The following PRIM2 variants were observed in gnomAD, a reference collection of about 807,000 sequenced individuals.
PRIM2 encodes the protein DNA primase large subunit.
In PRIM2, 39 loss-of-function variants were observed where a neutral mutation model predicts 67.3. The observed-to-expected ratio is 0.58, with a 90% CI of 0.45 to 0.76. PRIM2 has a LOEUF of 0.76. PRIM2 is among the 30% of genes least tolerant of loss of function. The pLI is 0.00. For synonymous variants in PRIM2, 143 were observed against 198.7 expected, an observed-to-expected ratio of 0.72 and a Z score of 2.36; for missense variants, 398 against 598.7, an observed-to-expected ratio of 0.66 and a Z score of 3.50.
At chr6:57,597,321 AG>A (rs1158265750) in intron 10 of PRIM2, among the ~76,000 whole-genome samples, 114 of 151,280 alleles carry the variant, frequency 7.5e-4, no homozygotes, top group Non-Finnish European at 1.1e-3. Flanking sequence ...AGTTGGAAGA[AG>A]GGGGACATTT....
At chr6:57,463,046 T>A (rs530124936) in intron 7 of PRIM2, among the ~76,000 whole-genome samples, 1 of 152,156 alleles carries the variant, frequency 6.6e-6, no homozygotes, top group South Asian at 2.1e-4. Flanking sequence ...TGTTTCAGGG[T>A]GTTAAGACAG....
intron 7 of PRIM2, among the ~76,000 whole-genome samples, chr6:57,422,194 G>A (rs1314614973): frequency 2.5e-5 from 3 of 121,584 alleles, no homozygotes; most frequent in African/African-American, 9.4e-5. Context: ...TCTCTCAGTC[G>A]CCCAGGCTGG....
chr6:57,545,696 A>G (rs1762314978), intron 10 of PRIM2, among the ~76,000 whole-genome samples: 1 of 152,104 alleles, frequency 6.6e-6, no homozygotes, highest in African/African-American at 2.4e-5. Flanking sequence ...GGCCTCCTAA[A>G]ATGCTGGGAT....
At chr6:57,578,030 C>G (rs1437972705) in intron 10 of PRIM2, among the ~76,000 whole-genome samples, 1 of 152,070 alleles carries the variant, frequency 6.6e-6, no homozygotes, top group Admixed American at 6.6e-5. Flanking sequence ...CTCAGTCTTT[C>G]CTTGTCTTTT....
chr6:57,458,330 G>T (rs1214986689), intron 7 of PRIM2, among the ~76,000 whole-genome samples: 1 of 152,118 alleles, frequency 6.6e-6, no homozygotes, highest in African/African-American at 2.4e-5. Flanking sequence ...CAAGTTATCT[G>T]GCTACAGAGG....
chr6:57,614,293 C>T (rs1776716342), intron 12 of PRIM2, among the ~76,000 whole-genome samples: 1 of 152,334 alleles, frequency 6.6e-6, no homozygotes, highest in African/African-American at 2.4e-5. Flanking sequence ...ACCTCTCCAC[C>T]CTGGCCCGTG....
At chr6:57,566,224 T>C (rs1269223200) in intron 10 of PRIM2, among the ~76,000 whole-genome samples, 7 of 151,466 alleles carry the variant, frequency 4.6e-5, no homozygotes, top group Non-Finnish European at 8.8e-5. Context: ...CTTACGTAGA[T>C]TCAGGCGCAA....
chr6:57,276,240 A>C, the PRIM2 span, among the ~76,000 whole-genome samples: 1 of 151,888 alleles, frequency 6.6e-6, no homozygotes, highest in African/African-American at 2.4e-5. Flanking sequence ...AAACACAAAA[A>C]TTAGCTGGGT....
At chr6:57,566,650 G>T (rs1775749163) in intron 10 of PRIM2, among the ~76,000 whole-genome samples, 1 of 152,114 alleles carries the variant, frequency 6.6e-6, no homozygotes, top group Admixed American at 6.5e-5. Context: ...GCCAATGGGA[G>T]TCAGTCAGTT....
At chr6:57,582,123 T>A in intron 10 of PRIM2, among the ~76,000 whole-genome samples, 3 of 152,224 alleles carry the variant, frequency 2.0e-5, no homozygotes, top group Non-Finnish European at 4.4e-5. Flanking sequence ...CCATGCCTGT[T>A]AGAAAGGTTT....
chr6:57,430,943 G>A (rs1325449674), intron 7 of PRIM2, among the ~76,000 whole-genome samples: 11 of 152,102 alleles, frequency 7.2e-5, no homozygotes, highest in Non-Finnish European at 4.4e-5. Flanking sequence ...ACTGATTGTA[G>A]AACATCAAAA....
the PRIM2 span, among the ~76,000 whole-genome samples, chr6:57,280,347 C>T: frequency 1.3e-5 from 2 of 151,590 alleles, no homozygotes; most frequent in Non-Finnish European, 2.9e-5. Flanking sequence ...TTTGCTTTTT[C>T]ATTAACGTTC....
At chr6:57,261,588 C>T in the PRIM2 span, among the ~76,000 whole-genome samples, 1 of 152,182 alleles carries the variant, frequency 6.6e-6, no homozygotes, top group African/African-American at 2.4e-5. Flanking sequence ...AACTTCTCTG[C>T]TCTCCATGGC....
At chr6:57,235,464 C>CAA in the PRIM2 span, among the ~76,000 whole-genome samples, 1,731 of 145,934 alleles carry the variant, frequency 0.012, 21 homozygotes, top group Middle Eastern at 0.032. Context: ...AACTCCATTT[C>CAA]AAAAAAAAAA....
chr6:57,588,418 C>A, intron 10 of PRIM2, among the ~76,000 whole-genome samples: 1 of 147,308 alleles, frequency 6.8e-6, no homozygotes, highest in Non-Finnish European at 1.5e-5. Flanking sequence ...ACGTGGAGAC[C>A]CTTTAACTTG....
At chr6:57,265,131 T>G in the PRIM2 span, among the ~76,000 whole-genome samples, 6 of 152,230 alleles carry the variant, frequency 3.9e-5, no homozygotes, top group Non-Finnish European at 2.9e-5. Context: ...AACAACTAGA[T>G]TGTTAATAGT....
intron 7 of PRIM2, among the ~76,000 whole-genome samples, chr6:57,427,467 C>A: frequency 6.6e-6 from 1 of 152,200 alleles, no homozygotes; most frequent in Middle Eastern, 3.4e-3. Context: ...TCCAGGCATG[C>A]GCCACCAAGC....
At chr6:57,594,642 C>T (rs1165899451) in intron 10 of PRIM2, among the ~76,000 whole-genome samples, 2 of 152,170 alleles carry the variant, frequency 1.3e-5, no homozygotes, top group Non-Finnish European at 2.9e-5. Context: ...AACTTTGATT[C>T]CTACCTTACA....
At chr6:57,622,050 A>G (rs1776867130) in intron 12 of PRIM2, among the ~76,000 whole-genome samples, 2 of 152,136 alleles carry the variant, frequency 1.3e-5, no homozygotes, top group Non-Finnish European at 1.5e-5. Flanking sequence ...TCCTGGGTTC[A>G]AGCAATTTTC....
Sources: allele counts gnomAD v4.1 joint callset (sites outside exome capture counted in the v4.1 genomes callset), GRCh38; gene constraint gnomAD v4.1.1; transcripts MANE v1.5; gene names NCBI Gene and HGNC (gene_info 2026-07-23, HGNC 2026-07-21).